The following ZNF18 variants were observed in gnomAD, a reference collection of about 807,000 sequenced individuals.
ZNF18 encodes zinc finger protein 18.
In ZNF18, 42 loss-of-function variants were observed where a neutral mutation model predicts 58.1. That is an observed-to-expected ratio of 0.72 (90% CI 0.56 to 0.93). The LOEUF (loss-of-function observed/expected upper bound fraction) is 0.93, where lower values mean the gene tolerates loss of function less well. Among genes scored for constraint, ZNF18 ranks in the 40% least tolerant of loss-of-function variants. ZNF18 has a pLI of 0.00. For missense variants in ZNF18, 540 were observed against 644.2 expected (o/e 0.84, Z 1.75); for synonymous variants, 231 against 239.8 (o/e 0.96, Z 0.34).
Position 11,984,341 on chromosome 17 carries a change from GA to G in ZNF18, c.667-145del, listed in dbSNP as rs995731657. On this transcript the variant is annotated intron_variant, in intron 4 of 6. Coordinates refer to ENST00000580306, the MANE Select transcript of ZNF18 (RefSeq NM_001303281.2). Reference sequence around the variant, plus strand: ...TCGCAAGACCTGAGAAATCCCAGCAGAGTGGTTCAAGGGACAAAGAGGCCAA... The same window carrying G: ...TCGCAAGACCTGAGAAATCCCAGCAGGTGGTTCAAGGGACAAAGAGGCCAA... 33 of 751,856 alleles carry G rather than the reference GA, an allele frequency of 4.4e-5. No individual in the cohort carries two copies. In the African/African-American group the frequency reaches 5.5e-4, roughly 13 times the overall value. 46.6% of individuals were successfully genotyped at this position (751,856 alleles called of 1,614,324 possible).
At chr17:12,007,429 C>T in the ZNF18 span, among the ~76,000 whole-genome samples, 1 of 152,152 alleles carries the variant, frequency 6.6e-6, no homozygotes, top group South Asian at 2.1e-4. Flanking sequence ...CTTCTTCGGT[C>T]CTCCTAAATG....
intron 1 of ZNF18, 45 bp from the exon 2 acceptor site, chr17:11,992,956 C>A: frequency 8.6e-7 from 1 of 1,156,320 alleles, no homozygotes; most frequent in Non-Finnish European, 1.2e-6. Flanking sequence ...GAAGGGGACA[C>A]ATTTTCAGAA....
the ZNF18 span, chr17:12,011,262 C>A: frequency 5.3e-6 from 2 of 377,044 alleles, no homozygotes; most frequent in East Asian, 9.4e-5. Context: ...TCCCCTGAAT[C>A]ATATTTTGAA....
chr17:11,990,666 C>T (rs1968060198), intron 3 of ZNF18, 116 bp from the exon 4 acceptor site: 8 of 791,474 alleles, frequency 1.0e-5, no homozygotes, highest in Non-Finnish European at 1.6e-5. Context: ...CCTGTACTGC[C>T]ATCTATATTT....
chr17:11,995,170 C>T (rs1192507490), intron 1 of ZNF18, among the ~76,000 whole-genome samples: 20 of 151,988 alleles, frequency 1.3e-4, no homozygotes, highest in Admixed American at 1.3e-3. Context: ...GCATTCTGGG[C>T]GTCCAAGGCA....
intron 3 of ZNF18, 126 bp downstream of exon 3, chr17:11,990,848 T>C: frequency 1.8e-6 from 2 of 1,088,010 alleles, no homozygotes; most frequent in Non-Finnish European, 2.7e-6. Flanking sequence ...TTTATTTAGG[T>C]CTAACCTGTT....
the ZNF18 span, among the ~76,000 whole-genome samples, chr17:12,016,308 C>G: frequency 6.6e-6 from 1 of 151,846 alleles, no homozygotes; most frequent in African/African-American, 2.4e-5. Flanking sequence ...TTGTTTATTT[C>G]TTTTTATTAT....
chr17:12,015,100 T>C, the ZNF18 span, among the ~76,000 whole-genome samples: 5 of 152,292 alleles, frequency 3.3e-5, no homozygotes, highest in East Asian at 3.9e-4. Context: ...AGGTGAATTA[T>C]ATGGTATATG....
chr17:11,978,508 C>A lies in ZNF18; in HGVS notation c.1099G>T (p.Glu367Ter). The A allele has an allele frequency of 6.2e-7, 1 of 1,607,750 alleles. No individual in the cohort carries two copies. Among genetic ancestry groups the A allele is most frequent in the African/African-American group, 1.3e-5 (1 of 74,642 alleles). Residue 367 changes from glutamate (E) to a stop codon, truncating the protein, a stop_gained, in exon 7 of 7, where the codon GAG (glutamate) becomes TAG (stop). Coordinates refer to ENST00000580306, the MANE Select transcript of ZNF18 (RefSeq NM_001303281.2). LOFTEE classifies it high-confidence loss of function. ...GGCAAATGCTGACCTAGTTGTTTCT[C>A]AGAAATCCTTTCTTGAGGAGACAGC... ...EQLSPQERISEKQLGQHLPNP... is the reference protein window; with the variant it reads ...EQLSPQERIS
chr17:11,979,392 C>T (rs1157632288), intron 6 of ZNF18, among the ~76,000 whole-genome samples: 1 of 152,124 alleles, frequency 6.6e-6, no homozygotes, highest in African/African-American at 2.4e-5. Context: ...ATTCATAAGA[C>T]GCCCAAAATC....
rs1200670487 is a variant in ZNF18 at position 11,990,070 on chromosome 17, A to T, written c.666+392T>A. Among the ~76,000 whole-genome samples the T allele has an allele frequency of 5.3e-5, 8 of 152,122 alleles. 1 individual carries two copies. The South Asian group carries it at 1.5e-3, about 28-fold the overall frequency. On this transcript the variant is annotated intron_variant, in intron 4 of 6. Transcript: ENST00000580306. ...AGAAATAAGCGAGACAGAAAAAAAA[A>T]TGCTTTAGAAATAATGGCCAAAAAT...
intron 6 of ZNF18, among the ~76,000 whole-genome samples, chr17:11,981,113 G>A (rs1436643916): frequency 6.6e-6 from 1 of 151,962 alleles, no homozygotes; most frequent in African/African-American, 2.4e-5. Flanking sequence ...TCCAGATTTG[G>A]TAAACTGGCA....
the ZNF18 span, among the ~76,000 whole-genome samples, chr17:12,007,482 G>C: frequency 4.6e-5 from 7 of 152,046 alleles, no homozygotes; most frequent in Non-Finnish European, 1.0e-4. Context: ...ATTTTTGTAC[G>C]GTCACTTGAT....
At chr17:12,016,853 G>A in the ZNF18 span, among the ~76,000 whole-genome samples, 4 of 152,082 alleles carry the variant, frequency 2.6e-5, no homozygotes, top group Non-Finnish European at 5.9e-5. Context: ...ATGTTGTCAT[G>A]AACATTTTCT....
At chr17:12,017,188 C>T in the ZNF18 span, among the ~76,000 whole-genome samples, 1 of 151,586 alleles carries the variant, frequency 6.6e-6, no homozygotes, top group Non-Finnish European at 1.5e-5. Context: ...CAGAGCAAGA[C>T]TCTGTCTCAA....
chr17:11,984,618 A>C (rs1171107740), intron 4 of ZNF18, among the ~76,000 whole-genome samples: 1 of 151,410 alleles, frequency 6.6e-6, no homozygotes, highest in Non-Finnish European at 1.5e-5. Context: ...GGTTCAAGCG[A>C]TTCTCCTGCC....
Position 11,997,434 on chromosome 17 carries a change from G to A in ZNF18, c.-86C>T, listed in dbSNP as rs983580968. 1 of 152,248 alleles carries A rather than the reference G, an allele frequency of 6.6e-6. No homozygotes were observed. The highest frequency in any genetic ancestry group is 1.5e-5 in the Non-Finnish European group (1 of 68,078). 9.4% of individuals were successfully genotyped at this position (152,248 alleles called of 1,614,324 possible). ...ACCGCCCCGCAAGCGCGCTCACCTC[G>A]GCCCGCGGCGCCGGCTCCGGGCGCA... On this transcript the variant is annotated 5_prime_UTR_variant, in exon 1 of 7. Transcript: ENST00000580306.
chr17:12,005,237 T>C, the ZNF18 span, among the ~76,000 whole-genome samples: 1 of 151,554 alleles, frequency 6.6e-6, no homozygotes, highest in Admixed American at 6.6e-5. Flanking sequence ...ATGAAGGAAA[T>C]TCAACAAAGT....
chr17:12,004,168 T>C, the ZNF18 span, among the ~76,000 whole-genome samples: 1 of 152,000 alleles, frequency 6.6e-6, no homozygotes, highest in South Asian at 2.1e-4. Flanking sequence ...GAGATGGACG[T>C]TGCAGTGAGC....
Sources: gnomAD v4.1 joint callset for allele counts (sites outside exome capture counted in the v4.1 genomes callset) on GRCh38, gnomAD v4.1.1 for gene constraint, MANE v1.5 for transcripts, NCBI Gene and HGNC (gene_info 2026-07-23, HGNC 2026-07-21) for gene names.